The following ABCC4 variants were observed in gnomAD, a reference collection of about 807,000 sequenced individuals.
ABCC4 encodes ATP binding cassette subfamily C member 4 (PEL blood group), also known as ATP-binding cassette sub-family C member 4.
ABCC4 carries 102 observed loss-of-function variants against 168.5 expected under a neutral mutation model. The observed-to-expected ratio is 0.61, with a 90% CI of 0.52 to 0.71. ABCC4 has a LOEUF of 0.71. Among genes scored for constraint, ABCC4 ranks in the 30% least tolerant of loss-of-function variants. ABCC4 has a pLI of 0.00. For synonymous variants in ABCC4, 617 were observed against 590.7 expected, an observed-to-expected ratio of 1.04 and a Z score of -0.65; for missense variants, 1,402 against 1,605.8, an observed-to-expected ratio of 0.87 and a Z score of 2.17.
At chr13:95,056,746 G>A (rs1271241019) in intron 26 of ABCC4, among the ~76,000 whole-genome samples, 1 of 152,076 alleles carries the variant, frequency 6.6e-6, no homozygotes, top group Non-Finnish European at 1.5e-5. Context: ...AGAAAATTCA[G>A]GGAGTAGAAA....
intron 19 of ABCC4, among the ~76,000 whole-genome samples, chr13:95,133,228 C>T (rs2036034799): frequency 6.6e-6 from 1 of 151,356 alleles, no homozygotes; most frequent in African/African-American, 2.4e-5. Flanking sequence ...ATTCTCCCAC[C>T]TCGGCCTCCC....
chr13:95,120,081 T>C (rs1273500036), intron 19 of ABCC4, among the ~76,000 whole-genome samples: 3 of 151,762 alleles, frequency 2.0e-5, no homozygotes, highest in South Asian at 4.1e-4. Context: ...GGTTCACCCA[T>C]GATGTAGCAT....
In ABCC4 at chr13:95,170,322, C is replaced by T. The variant is rs541687297; in HGVS notation, c.1824+210G>A. The T allele has an allele frequency of 7.5e-5, 32 of 427,318 alleles. No homozygotes were observed. The South Asian group carries it at 1.6e-3, about 22-fold the overall frequency. 26.5% of individuals were successfully genotyped at this position (427,318 alleles called of 1,614,324 possible). A position where few individuals can be genotyped will look rare whatever the true frequency, so the allele number is the denominator to read the frequency against. On this transcript the variant is annotated intron_variant, in intron 14 of 30. Coordinates refer to ENST00000645237, the MANE Select transcript of ABCC4 (RefSeq NM_005845.5). The stretch of plus-strand genomic sequence containing the variant: ...ATTAAAACAGCATCATTTTCTTTAA[C>T]AATGTAGTAACCTTGAGGTAGCAAT...
intron 3 of ABCC4, among the ~76,000 whole-genome samples, chr13:95,244,256 A>G (rs2040024684): frequency 6.6e-6 from 1 of 152,010 alleles, no homozygotes; most frequent in African/African-American, 2.4e-5. Context: ...GGCACATTAT[A>G]TAACTACATG....
intron 3 of ABCC4, among the ~76,000 whole-genome samples, chr13:95,241,208 CA>C (rs1011360519): frequency 1.3e-5 from 2 of 151,400 alleles, no homozygotes; most frequent in Non-Finnish European, 3.0e-5. Flanking sequence ...ACTAAAAATA[CA>C]AAAAAATTAG....
intron 1 of ABCC4, among the ~76,000 whole-genome samples, chr13:95,259,615 G>C (rs962328983): frequency 1.3e-5 from 2 of 152,116 alleles, no homozygotes; most frequent in Non-Finnish European, 2.9e-5. Flanking sequence ...AAAATCACAT[G>C]GATCAGAACC....
At chr13:95,106,149 C>T (rs921052060) in intron 20 of ABCC4, among the ~76,000 whole-genome samples, 22 of 152,038 alleles carry the variant, frequency 1.4e-4, no homozygotes, top group African/African-American at 5.1e-4. Context: ...ACTATGAATT[C>T]CATACACAAG....
intron 4 of ABCC4, among the ~76,000 whole-genome samples, chr13:95,226,588 G>A (rs4636781): frequency 0.76 from 115,883 of 151,616 alleles, 44,753 homozygotes; most frequent in Non-Finnish European, 0.83. Flanking sequence ...TTACAGCTTA[G>A]AAAATGACAG....
chr13:95,071,086 T>TC (rs2033708553), intron 25 of ABCC4, among the ~76,000 whole-genome samples: 1 of 151,482 alleles, frequency 6.6e-6, no homozygotes, highest in Non-Finnish European at 1.5e-5. Flanking sequence ...ACAAACTCTC[T>TC]TTGCCTGCTG....
At chr13:95,084,856 A>T (rs114783386) in intron 20 of ABCC4, among the ~76,000 whole-genome samples, 250 of 152,352 alleles carry the variant, frequency 1.6e-3, no homozygotes, top group African/African-American at 5.8e-3. Context: ...CTAAAAGGTG[A>T]AATATAAAAA....
chr13:95,171,441 C>T (rs1012444780), intron 13 of ABCC4, among the ~76,000 whole-genome samples: 5 of 151,724 alleles, frequency 3.3e-5, no homozygotes, highest in African/African-American at 9.7e-5. Context: ...CCTGTAGTCC[C>T]AGCTAGAAGG....
intron 13 of ABCC4, among the ~76,000 whole-genome samples, chr13:95,175,317 A>G (rs1312422528): frequency 6.6e-6 from 1 of 151,270 alleles, no homozygotes; most frequent in African/African-American, 2.4e-5. Flanking sequence ...TTTTTTTTTT[A>G]TTATTATTAT....
intron 4 of ABCC4, among the ~76,000 whole-genome samples, chr13:95,229,598 A>T (rs2039561135): frequency 1.3e-5 from 2 of 152,178 alleles, no homozygotes; most frequent in African/African-American, 2.4e-5. Flanking sequence ...AAAGTCAAGA[A>T]ATCTTGAGCT....
chr13:95,263,771 C>T (rs1040312394), intron 1 of ABCC4, among the ~76,000 whole-genome samples: 27 of 150,508 alleles, frequency 1.8e-4, no homozygotes, highest in Admixed American at 1.1e-3. Context: ...TACAGTGAGC[C>T]GAGATCGTGC....
At chr13:95,064,866 A>G (rs2033470847) in intron 25 of ABCC4, among the ~76,000 whole-genome samples, 1 of 152,176 alleles carries the variant, frequency 6.6e-6, no homozygotes, top group Non-Finnish European at 1.5e-5. Context: ...TAAGTCACCA[A>G]TGGGTTTCAC....
At chr13:95,029,839 A>G (rs1047814002) in intron 30 of ABCC4, among the ~76,000 whole-genome samples, 4 of 152,210 alleles carry the variant, frequency 2.6e-5, no homozygotes, top group Non-Finnish European at 5.9e-5. Context: ...CCGGAGCAGT[A>G]CTGCAATCCT....
chr13:95,197,774 A>T (rs2038501418), intron 8 of ABCC4, among the ~76,000 whole-genome samples: 1 of 152,206 alleles, frequency 6.6e-6, no homozygotes, highest in African/African-American at 2.4e-5. Context: ...GTCATTGAAG[A>T]CTTTCAGTGC....
chr13:95,027,928 T>C (rs138534808), intron 30 of ABCC4, among the ~76,000 whole-genome samples: 177 of 152,266 alleles, frequency 1.2e-3, no homozygotes, highest in African/African-American at 3.7e-3. Context: ...AACCACGCCA[T>C]ATACAGGAGA....
At chr13:95,295,810 C>CA (rs1159671986) in intron 1 of ABCC4, among the ~76,000 whole-genome samples, 1 of 150,986 alleles carries the variant, frequency 6.6e-6, no homozygotes, top group Non-Finnish European at 1.5e-5. Flanking sequence ...TAAAAACACA[C>CA]AAAAAAATTA....
Sources: allele counts gnomAD v4.1 joint callset (sites outside exome capture counted in the v4.1 genomes callset), GRCh38; gene constraint gnomAD v4.1.1; transcripts MANE v1.5; gene names NCBI Gene and HGNC (gene_info 2026-07-23, HGNC 2026-07-21).